Variants in DGKQ observed in about 807,000 individuals in gnomAD.
DGKQ encodes diacylglycerol kinase theta.
A neutral mutation model predicts 104.2 loss-of-function variants in DGKQ; 97 were observed. The ratio of observed to expected loss-of-function variants is 0.93; its 90% CI spans 0.79 to 1.10. The LOEUF is 1.10. DGKQ is among the 50% of genes least tolerant of loss of function. The pLI is 0.00. For missense variants in DGKQ, 1,465 were observed against 1,352.1 expected, an observed-to-expected ratio of 1.08 and a Z score of -1.31; for synonymous variants, 736 against 595.2, an observed-to-expected ratio of 1.24 and a Z score of -3.44.
rs1712315736 is a variant in DGKQ, at chr4:966,167, C to T, written c.1429-89G>A. The T allele has an allele frequency of 2.3e-6, 3 of 1,325,788 alleles. No individual in the cohort carries two copies. In the African/African-American group the frequency reaches 4.4e-5, roughly 19 times the overall value. 82.1% of individuals were successfully genotyped at this position (1,325,788 alleles called of 1,614,324 possible). A position where few individuals can be genotyped will look rare whatever the true frequency, so the allele number is the denominator to read the frequency against. On this transcript the variant is annotated intron_variant, in intron 12 of 22. Transcript: ENST00000273814. ...TCTCCTCACCCGCAAAACAGCAAAA[C>T]AGGGCATCAGGAACACTCCCAGGAA...
intron 16 of DGKQ, 89 bp downstream of exon 16, chr4:963,050 G>C: frequency 1.3e-6 from 2 of 1,490,072 alleles, no homozygotes. Flanking sequence ...TCCCCGTGGA[G>C]CTCCTGCCGG....
rs867120698 is a variant in DGKQ at position 971,208 on chromosome 4, C to G, written c.272-136G>C. ...GGGGCCCTGTGGTCCTCGAGTTCCC[C>G]CACCACCCTGCCCACTCATTGGAGA... On this transcript the variant is annotated intron_variant, in intron 1 of 22. Coordinates refer to ENST00000273814, the MANE Select transcript of DGKQ (RefSeq NM_001347.4). This position sits in a 1 kb window ranked among gnomAD's most constrained non-coding sequence, Gnocchi z 4.0. The G allele has an allele frequency of 1.6e-6, 1 of 638,618 alleles. No homozygotes were observed. The allele number at this position is 638,618 out of a possible 1,614,324, so 39.6% of individuals were successfully genotyped here.
At chr4:965,818 G>C in intron 13 of DGKQ, 110 bp downstream of exon 13, 1 of 1,263,054 alleles carries the variant, frequency 7.9e-7, no homozygotes, top group Non-Finnish European at 1.1e-6. Flanking sequence ...CGGAGCTCAG[G>C]CCTTGGTGGC....
In DGKQ at chr4:963,167, C is replaced by T. The variant is rs995625705; in HGVS notation, c.1858G>A (p.Asp620Asn). Reference sequence around the variant, plus strand: ...GGAAGAGGACCTCCGTTGGTCAGGTCGAAGACCTGATGAGGGTTCAGTAGC... The same window carrying T: ...GGAAGAGGACCTCCGTTGGTCAGGTTGAAGACCTGATGAGGGTTCAGTAGC... ...RKLLNPHQVF[D>N]LTNGGPLPGL... The change falls in exon 16 of 23, where the codon GAC becomes AAC. Residue 620 changes from aspartate (D) to asparagine (N), a missense_variant. Coordinates refer to ENST00000273814, the MANE Select transcript of DGKQ (RefSeq NM_001347.4). 8 of 1,607,638 alleles carry T rather than the reference C, an allele frequency of 5.0e-6. No homozygotes were observed. The highest frequency in any genetic ancestry group is 1.1e-5 in the South Asian group (1 of 90,910).
rs749223909 is a variant in DGKQ, at chr4:972,310, CAAAG to C, written c.271+898_271+901del. Among the ~76,000 whole-genome samples, 4 of 152,298 alleles carry C rather than the reference CAAAG, an allele frequency of 2.6e-5. No homozygotes were observed. The East Asian group carries it at 5.8e-4, about 22-fold the overall frequency. On this transcript the variant is annotated intron_variant, in intron 1 of 22. Coordinates refer to ENST00000273814, the MANE Select transcript of DGKQ (RefSeq NM_001347.4). ...ATGGCTGTGCCATGCTCTGACGTGACAAAGAAGCTGGCGGGCCAGGCCACCTTGT... is the reference window on the plus strand; with the variant it reads ...ATGGCTGTGCCATGCTCTGACGTGACAAGCTGGCGGGCCAGGCCACCTTGT...
chr4:964,471 C>A (rs1383840125), intron 15 of DGKQ, among the ~76,000 whole-genome samples: 1 of 151,640 alleles, frequency 6.6e-6, no homozygotes, highest in African/African-American at 2.4e-5. Context: ...GGCTCCAGCC[C>A]CTCCATGGGC....
rs1712895423 is a variant in DGKQ, at chr4:971,102, C to A, written c.272-30G>T. On this transcript the variant is annotated intron_variant, in intron 1 of 22. Transcript: ENST00000273814. The surrounding 1 kb of genome is among the most constrained non-coding windows in gnomAD (Gnocchi z 4.0). ...GGGAATGAGCACTGTGTGAGTTGGC[C>A]CCTGTCCTACCCAATGGCTGTCCTA... The A allele has an allele frequency of 2.6e-6, 4 of 1,513,402 alleles. No individual in the cohort carries two copies. The highest frequency in any genetic ancestry group is 3.6e-6 in the Non-Finnish European group (4 of 1,113,224). The allele number at this position is 1,513,402 out of a possible 1,614,324, so 93.7% of individuals were successfully genotyped here.
intron 18 of DGKQ, 129 bp from the exon 19 acceptor site, chr4:962,211 G>T: frequency 1.1e-6 from 1 of 928,362 alleles, no homozygotes. Flanking sequence ...GCACCCAGGA[G>T]AGGGCAGCAT....
Position 959,106 on chromosome 4 carries a change from G to A in DGKQ, c.*1514C>T, listed in dbSNP as rs909320451. 2 of 152,784 alleles carry A rather than the reference G, an allele frequency of 1.3e-5. No homozygotes were observed. The highest frequency in any genetic ancestry group is 4.8e-5 in the African/African-American group (2 of 41,450). The allele number at this position is 152,784 out of a possible 1,614,324, so 9.5% of individuals were successfully genotyped here. ...AAACTAATCACAAAGGACTGGTCTT[G>A]AAGATGACAATGACGTAAACAAGAG... On this transcript the variant is annotated 3_prime_UTR_variant, in exon 23 of 23. Transcript: ENST00000273814.
At chr4:964,812 C>T (rs1016518016) in intron 15 of DGKQ, among the ~76,000 whole-genome samples, 4 of 152,016 alleles carry the variant, frequency 2.6e-5, no homozygotes, top group Admixed American at 1.3e-4. Flanking sequence ...GCAGCCGCAG[C>T]GGGGCCCGGC....
chr4:972,943 C>T (rs1374659367), intron 1 of DGKQ, among the ~76,000 whole-genome samples: 1 of 152,160 alleles, frequency 6.6e-6, no homozygotes, highest in Non-Finnish European at 1.5e-5. Context: ...CAGCTGAGGT[C>T]CCGCTCGCAT....
intron 12 of DGKQ, 86 bp downstream of exon 12, chr4:966,380 G>C: frequency 6.9e-7 from 1 of 1,441,068 alleles, no homozygotes; most frequent in South Asian, 1.2e-5. Context: ...GGAGAACTCG[G>C]CGTCTGGGGC....
chr4:973,411 G>A lies in DGKQ; in HGVS notation c.72C>T (p.Ala24=). 4 of 1,006,324 alleles carry A rather than the reference G, an allele frequency of 4.0e-6. No homozygotes were observed. Among genetic ancestry groups the A allele is most frequent in the Non-Finnish European group, 4.7e-6 (4 of 845,102 alleles). The allele number at this position is 1,006,324 out of a possible 1,614,324, so 62.3% of individuals were successfully genotyped here. A position where few individuals can be genotyped will look rare whatever the true frequency, so the allele number is the denominator to read the frequency against. The change falls in exon 1 of 23, where the codon GCC becomes GCT. Residue 24 remains alanine (A), a synonymous_variant. Transcript: ENST00000273814. The part of the protein sequence containing the change: ...GGGSPRPGSP[A]CSPVLGSGGR... ...CTCCTGAGCCCAGCACGGGGCTGCA[G>A]GCCGGGCTGCCGGGGCGCGGGGAGC...
intron 12 of DGKQ, 128 bp downstream of exon 12, chr4:966,338 C>T: frequency 9.2e-7 from 1 of 1,092,354 alleles, no homozygotes; most frequent in Non-Finnish European, 1.3e-6. Context: ...AGGGCGCTGC[C>T]CTGTCAGCCA....
At chr4:960,813 T>C (rs1711831614) in intron 22 of DGKQ, 92 bp from the exon 23 acceptor site, 2 of 1,536,642 alleles carry the variant, frequency 1.3e-6, no homozygotes, top group South Asian at 1.2e-5. Context: ...CCCGGGCAGC[T>C]GATGCCATCT....
chr4:964,491 G>A (rs1039651146), intron 15 of DGKQ, among the ~76,000 whole-genome samples: 20 of 149,066 alleles, frequency 1.3e-4, no homozygotes, highest in Admixed American at 1.2e-3. Context: ...CCAGAACCCC[G>A]TTCCCCCCGG....
At chr4:965,596 G>C in intron 13 of DGKQ, 67 bp from the exon 14 acceptor site, 1 of 1,555,128 alleles carries the variant, frequency 6.4e-7, no homozygotes, top group Non-Finnish European at 8.8e-7. Flanking sequence ...GCCAGGGACA[G>C]CCCCTCCGCC....
In DGKQ at chr4:971,707, AACAG is replaced by A. The variant is rs1032552274; in HGVS notation, c.272-639_272-636del. Among the ~76,000 whole-genome samples, 2 of 151,998 alleles carry A rather than the reference AACAG, an allele frequency of 1.3e-5. No homozygotes were observed. The highest frequency in any genetic ancestry group is 4.8e-5 in the African/African-American group (2 of 41,372). On this transcript the variant is annotated intron_variant, in intron 1 of 22. Transcript: ENST00000273814. The surrounding 1 kb of genome is among the most constrained non-coding windows in gnomAD (Gnocchi z 4.0). ...AGCAAGCGCCACACCCCAGCAGTAA[AACAG>A]ACAGGAGGGTGGGGCCGGGGCAGAA...
Position 965,185 on chromosome 4 carries a change from G to A in DGKQ, c.1725C>T (p.Pro575=), listed in dbSNP as rs200747978. Residue 575 remains proline (P), a synonymous_variant, in exon 15 of 23, where the codon CCC becomes CCT. Transcript: ENST00000273814. Reference sequence around the variant, plus strand: ...TTGACCGCACACTCACCAGCAGGTCGGGGAGCACCAGGGCAGTGAGCAGCC... The same window carrying A: ...TTGACCGCACACTCACCAGCAGGTCAGGGAGCACCAGGGCAGTGAGCAGCC... ...RGRLLTALVL[P]DLLHAKLPPD... The A allele has an allele frequency of 2.1e-5, 34 of 1,612,352 alleles. No individual in the cohort carries two copies. Among genetic ancestry groups the A allele is most frequent in the Middle Eastern group, 1.7e-4 (1 of 6,058 alleles).
Sources: allele counts gnomAD v4.1 joint callset (sites outside exome capture counted in the v4.1 genomes callset), GRCh38; gene constraint gnomAD v4.1.1; non-coding constraint Gnocchi (gnomAD v3.1); transcripts MANE v1.5; gene names NCBI Gene and HGNC (gene_info 2026-07-23, HGNC 2026-07-21).